Variants in FRYL observed in about 807,000 individuals in gnomAD.
FRYL encodes FRY like transcription coactivator.
Under a neutral mutation model 351.2 loss-of-function variants are expected in FRYL, and 150 were observed. The observed-to-expected ratio is 0.43, with a 90% CI of 0.37 to 0.49. FRYL has a LOEUF of 0.49. FRYL is among the 20% of genes least tolerant of loss of function. The pLI is 0.00. For missense variants in FRYL, 3,036 were observed against 3,619.3 expected, an observed-to-expected ratio of 0.84 and a Z score of 4.13; for synonymous variants, 1,153 against 1,257.1, an observed-to-expected ratio of 0.92 and a Z score of 1.75.
intron 1 of FRYL, among the ~76,000 whole-genome samples, chr4:48,771,329 C>A (rs1327657916): frequency 6.6e-6 from 1 of 152,104 alleles, no homozygotes; most frequent in African/African-American, 2.4e-5. Context: ...CCAGTTTAAA[C>A]AAAAATATTT....
At chr4:48,653,713 C>T (rs1202086057) in intron 3 of FRYL, 3 of 1,289,166 alleles carry the variant, frequency 2.3e-6, no homozygotes, top group Admixed American at 2.3e-5. Flanking sequence ...TATATACTTA[C>T]AGCTGCTGCT....
intron 3 of FRYL, among the ~76,000 whole-genome samples, chr4:48,651,687 C>T (rs1757740398): frequency 6.6e-6 from 1 of 152,114 alleles, no homozygotes; most frequent in Non-Finnish European, 1.5e-5. Flanking sequence ...CTGGTTGACT[C>T]AAAAGTGTTG....
In FRYL at chr4:48,682,969, G is replaced by GT. The variant is rs574403612; in HGVS notation, c.-81+1703dup. Among the ~76,000 whole-genome samples the GT allele has an allele frequency of 1.8e-4, 28 of 152,236 alleles. No homozygotes were observed. In the East Asian group the frequency reaches 4.8e-3, roughly 26 times the overall value. On this transcript the variant is annotated intron_variant, in intron 3 of 63. Coordinates refer to ENST00000358350, the MANE Select transcript of FRYL (RefSeq NM_015030.2). ...TTCTATTATAAAGACTCATGCACAC[G>GT]TATGTATATTGCGGCACTGTTCACA...
At chr4:48,610,895 G>A (rs1748034109) in intron 7 of FRYL, among the ~76,000 whole-genome samples, 1 of 150,464 alleles carries the variant, frequency 6.6e-6, no homozygotes, top group Admixed American at 6.6e-5. Context: ...ACAATTTGAG[G>A]AGCCCCCTAT....
intron 55 of FRYL, among the ~76,000 whole-genome samples, chr4:48,517,452 T>TG (rs1723870617): frequency 6.6e-6 from 1 of 152,200 alleles, no homozygotes; most frequent in South Asian, 2.1e-4. Flanking sequence ...AAAGTGCTTT[T>TG]GGGGCTGTTA....
chr4:48,761,005 GTC>G (rs1491556650), intron 1 of FRYL, among the ~76,000 whole-genome samples: 7,795 of 121,416 alleles, frequency 0.064, 404 homozygotes, highest in African/African-American at 0.17. Context: ...TTATTACTCT[GTC>G]TGTGTGTGTG....
intron 1 of FRYL, among the ~76,000 whole-genome samples, chr4:48,746,304 C>T (rs193041555): frequency 1.1e-4 from 16 of 152,122 alleles, no homozygotes; most frequent in African/African-American, 3.4e-4. Flanking sequence ...CGGTGGCTCA[C>T]ATCTGTAATC....
intron 1 of FRYL, among the ~76,000 whole-genome samples, chr4:48,773,403 A>C (rs1775714345): frequency 6.6e-6 from 1 of 152,160 alleles, no homozygotes; most frequent in Non-Finnish European, 1.5e-5. Context: ...ATGTCACATC[A>C]CATTCATCAA....
At chr4:48,748,112 G>A (rs1451851874) in intron 1 of FRYL, among the ~76,000 whole-genome samples, 1 of 152,112 alleles carries the variant, frequency 6.6e-6, no homozygotes, top group Non-Finnish European at 1.5e-5. Flanking sequence ...TGGGTGTGGT[G>A]GTGTGTGCCT....
chr4:48,624,807 C>G (rs1399888476), intron 4 of FRYL, among the ~76,000 whole-genome samples: 1 of 152,178 alleles, frequency 6.6e-6, no homozygotes, highest in Admixed American at 6.5e-5. Flanking sequence ...TTGCCTTCCC[C>G]TATGTGGGTA....
At chr4:48,726,657 G>A (rs1770123323) in intron 1 of FRYL, among the ~76,000 whole-genome samples, 1 of 152,150 alleles carries the variant, frequency 6.6e-6, no homozygotes, top group Non-Finnish European at 1.5e-5. Context: ...ACTCCAGTCT[G>A]GGCGACAGAG....
chr4:48,608,473 G>T (rs1046755306), intron 9 of FRYL, among the ~76,000 whole-genome samples: 1 of 151,966 alleles, frequency 6.6e-6, no homozygotes, highest in Admixed American at 6.6e-5. Context: ...CTAAAGTGAT[G>T]GTTCAGTGCA....
intron 19 of FRYL, among the ~76,000 whole-genome samples, chr4:48,585,523 C>T (rs1378037048): frequency 6.6e-6 from 1 of 152,236 alleles, no homozygotes; most frequent in Non-Finnish European, 1.5e-5. Context: ...TCAAATATTG[C>T]TGCTCTGCTA....
Position 48,515,211 on chromosome 4 carries a change from A to G in FRYL, c.7754T>C (p.Ile2585Thr). 6.2e-7 allele frequency: 1 copy of G among 1,612,726 alleles called. No homozygotes were observed. The highest frequency in any genetic ancestry group is 8.5e-7 in the Non-Finnish European group (1 of 1,178,732). Residue 2585 changes from isoleucine to threonine, a missense_variant, in exon 56 of 64, where the codon ATT becomes ACT. Ile to Thr is a moderately conservative substitution (Grantham distance 89). Coordinates refer to ENST00000358350, the MANE Select transcript of FRYL (RefSeq NM_015030.2). ...TTFEDEGSYI[I>T]QEQQESLVCQ... is the part of the protein sequence containing the mutation. ...CACAAGAGATTCCTGCTGTTCTTGA[A>G]TTATATAGGATCCTTCATCTTCAAA...
At chr4:48,541,761 G>C (rs1381711788) in intron 45 of FRYL, among the ~76,000 whole-genome samples, 1 of 152,148 alleles carries the variant, frequency 6.6e-6, no homozygotes, top group African/African-American at 2.4e-5. Context: ...GGAGAAACAG[G>C]ATGCTGAATC....
intron 3 of FRYL, among the ~76,000 whole-genome samples, chr4:48,682,713 T>C (rs952283407): frequency 3.9e-5 from 6 of 152,112 alleles, no homozygotes; most frequent in African/African-American, 9.7e-5. Flanking sequence ...CAAAACCACA[T>C]TGAGACACCA....
At chr4:48,716,408 T>A (rs1419206456) in intron 1 of FRYL, among the ~76,000 whole-genome samples, 1 of 151,296 alleles carries the variant, frequency 6.6e-6, no homozygotes, top group Non-Finnish European at 1.5e-5. Flanking sequence ...GAATCTACAA[T>A]GAACTCCAAC....
chr4:48,651,297 G>C (rs1462257378), intron 3 of FRYL, among the ~76,000 whole-genome samples: 2 of 43,652 alleles, frequency 4.6e-5, no homozygotes, highest in Non-Finnish European at 7.0e-5. Context: ...CACTGTGTGT[G>C]TGTGTGTGTG....
chr4:48,653,808 AGC>A (rs1758205164), intron 3 of FRYL: 3 of 304,702 alleles, frequency 9.8e-6, no homozygotes, highest in Non-Finnish European at 1.3e-5. Flanking sequence ...CAGCTGCAAA[AGC>A]AGCAGCAGCA....
Sources: gnomAD v4.1 joint callset for allele counts (sites outside exome capture counted in the v4.1 genomes callset) on GRCh38, gnomAD v4.1.1 for gene constraint, MANE v1.5 for transcripts, NCBI Gene and HGNC (gene_info 2026-07-23, HGNC 2026-07-21) for gene names.